SEC24B: variants seen among roughly 807,000 people sequenced by gnomAD.
SEC24B encodes the protein protein transport protein Sec24B.
SEC24B carries 45 observed loss-of-function variants against 142.8 expected under a neutral mutation model. The ratio of observed to expected loss-of-function variants is 0.32; its 90% CI spans 0.25 to 0.40. The LOEUF (loss-of-function observed/expected upper bound fraction) is 0.40, where lower values mean the gene tolerates loss of function less well. SEC24B is among the 10% of genes least tolerant of loss of function. The pLI is 1.00. For missense variants in SEC24B, 1,409 were observed against 1,526.8 expected (o/e 0.92, Z 1.29); for synonymous variants, 574 against 568.2 (o/e 1.01, Z -0.15).
chr4:109,469,647 T>C (rs1732313207), intron 2 of SEC24B, among the ~76,000 whole-genome samples: 1 of 152,164 alleles, frequency 6.6e-6, no homozygotes. Flanking sequence ...ATAAAATTAA[T>C]TGCAGGTGAA....
rs1323898734 is a variant in SEC24B, at chr4:109,473,127, A to G, written c.1001A>G (p.Asn334Ser). 1.3e-6 allele frequency: 2 copies of G among 1,599,540 alleles called. No homozygotes were observed. Among genetic ancestry groups the G allele is most frequent in the Non-Finnish European group, 1.7e-6 (2 of 1,173,232 alleles). Residue 334 changes from asparagine (N) to serine (S), a missense_variant, in exon 3 of 24, where the codon AAT (asparagine) becomes AGT (serine). By Grantham distance (46) the Asn-to-Ser change is conservative (BLOSUM62 1). Around this residue, in one of 2 missense-constraint regions of SEC24B, gnomAD observed 709 missense variants for 673.5 expected, o/e 1.05. Coordinates refer to ENST00000265175, the MANE Select transcript of SEC24B (RefSeq NM_006323.5). ...TCAACAAGAACACCTCCCACTGCAA[A>G]TCACCCAGTTGAGCCTGTGACCTCA... Reference protein sequence around the residue: ...SSSTRTPPTANHPVEPVTSVT... With the variant: ...SSSTRTPPTASHPVEPVTSVT...
intron 3 of SEC24B, among the ~76,000 whole-genome samples, chr4:109,476,303 T>C (rs1314986852): frequency 1.3e-5 from 2 of 151,826 alleles, no homozygotes; most frequent in African/African-American, 2.4e-5. Flanking sequence ...ACAGCTTTTA[T>C]TGTTGGTATA....
At chr4:109,472,570 T>G (rs1732636292) in intron 2 of SEC24B, among the ~76,000 whole-genome samples, 1 of 151,764 alleles carries the variant, frequency 6.6e-6, no homozygotes, top group Admixed American at 6.6e-5. Flanking sequence ...AGAGACCACA[T>G]TATTGCAGAG....
chr4:109,505,379 A>G (rs1397027226), intron 6 of SEC24B, among the ~76,000 whole-genome samples: 2 of 152,072 alleles, frequency 1.3e-5, no homozygotes, highest in South Asian at 2.1e-4. Flanking sequence ...CTGACATAAT[A>G]TTGGTGGTGT....
chr4:109,492,734 G>A (rs902623222), intron 5 of SEC24B, among the ~76,000 whole-genome samples: 1 of 152,118 alleles, frequency 6.6e-6, no homozygotes, highest in Admixed American at 6.6e-5. Context: ...CCTGAAGAAG[G>A]GGAGAAGATT....
At chr4:109,507,278 CTT>C (rs34809833) in intron 7 of SEC24B, among the ~76,000 whole-genome samples, 69 of 139,188 alleles carry the variant, frequency 5.0e-4, no homozygotes, top group Non-Finnish European at 5.6e-4. Context: ...CATTGTCTTC[CTT>C]TTTTTTTTTT....
At chr4:109,444,140 G>A (rs2125896945) in intron 1 of SEC24B, among the ~76,000 whole-genome samples, 1 of 151,390 alleles carries the variant, frequency 6.6e-6, no homozygotes, top group Admixed American at 6.6e-5. Context: ...GAGAATTGTT[G>A]GAACCCGGGA....
intron 1 of SEC24B, among the ~76,000 whole-genome samples, chr4:109,449,152 G>C (rs1729789457): frequency 6.6e-6 from 1 of 152,062 alleles, no homozygotes; most frequent in African/African-American, 2.4e-5. Flanking sequence ...TGTTAACCTT[G>C]GGCACTTGGT....
chr4:109,458,692 A>G (rs1214842208), intron 1 of SEC24B, among the ~76,000 whole-genome samples: 1 of 152,240 alleles, frequency 6.6e-6, no homozygotes, highest in African/African-American at 2.4e-5. Context: ...GGAATCATTT[A>G]AAAGATACAT....
intron 1 of SEC24B, among the ~76,000 whole-genome samples, chr4:109,437,270 A>C (rs1353558541): frequency 6.6e-6 from 1 of 152,054 alleles, no homozygotes; most frequent in Non-Finnish European, 1.5e-5. Context: ...GAGTAGAGTG[A>C]AAGAAGTTTT....
chr4:109,461,556 A>G (rs774553870), intron 1 of SEC24B, among the ~76,000 whole-genome samples: 4 of 152,252 alleles, frequency 2.6e-5, no homozygotes, highest in Non-Finnish European at 5.9e-5. Flanking sequence ...TATTCAGCAT[A>G]TATTAAGTAA....
At chr4:109,458,752 A>G (rs183848762) in intron 1 of SEC24B, among the ~76,000 whole-genome samples, 9 of 152,326 alleles carry the variant, frequency 5.9e-5, no homozygotes, top group Admixed American at 5.2e-4. Flanking sequence ...TGCAAAAAGA[A>G]AATACTGGGT....
intron 1 of SEC24B, among the ~76,000 whole-genome samples, chr4:109,462,634 TC>T (rs1230022915): frequency 1.3e-5 from 2 of 152,116 alleles, no homozygotes; most frequent in African/African-American, 4.8e-5. Context: ...AAGTGACATA[TC>T]ATCACCTTTG....
At chr4:109,451,773 TGTGA>T (rs1262441282) in intron 1 of SEC24B, among the ~76,000 whole-genome samples, 2 of 152,188 alleles carry the variant, frequency 1.3e-5, no homozygotes, top group Non-Finnish European at 2.9e-5. Flanking sequence ...AGCTATGAAA[TGTGA>T]GTATGTATAT....
At chr4:109,505,113 TTATTG>T (rs371139894) in intron 6 of SEC24B, among the ~76,000 whole-genome samples, 1 of 152,072 alleles carries the variant, frequency 6.6e-6, no homozygotes, top group Non-Finnish European at 1.5e-5. Context: ...TCTGAATACC[TTATTG>T]TATTAGTACC....
chr4:109,505,818 A>C (rs1736620032), intron 6 of SEC24B, among the ~76,000 whole-genome samples: 3 of 152,226 alleles, frequency 2.0e-5, no homozygotes, highest in African/African-American at 7.2e-5. Flanking sequence ...AAGGGCTTTC[A>C]CTGGCTAAAG....
chr4:109,527,700 A>G (rs1208229771), intron 18 of SEC24B, among the ~76,000 whole-genome samples: 1 of 151,864 alleles, frequency 6.6e-6, no homozygotes, highest in Non-Finnish European at 1.5e-5. Flanking sequence ...TGAACCTGAG[A>G]GGCGGACGTT....
chr4:109,513,456 G>GT (rs1321453516), intron 9 of SEC24B, among the ~76,000 whole-genome samples: 1 of 151,568 alleles, frequency 6.6e-6, no homozygotes, highest in Non-Finnish European at 1.5e-5. Flanking sequence ...GCTAATTTTT[G>GT]TTTTTTTAGT....
At chr4:109,512,170 A>G in intron 9 of SEC24B, 87 bp downstream of exon 9, 2 of 1,222,578 alleles carry the variant, frequency 1.6e-6, no homozygotes, top group South Asian at 1.5e-5. Context: ...TTCTCTCTTC[A>G]TTGCTTTAAA....
Sources: allele counts gnomAD v4.1 joint callset (sites outside exome capture counted in the v4.1 genomes callset), GRCh38; gene constraint gnomAD v4.1.1; regional missense constraint gnomAD v4.1.1; transcripts MANE v1.5; gene names NCBI Gene and HGNC (gene_info 2026-07-23, HGNC 2026-07-21).